Variants in ATP2B1 observed in about 807,000 individuals in gnomAD.
The protein encoded by ATP2B1 is ATPase plasma membrane Ca2+ transporting 1.
Under a neutral mutation model 124.2 loss-of-function variants are expected in ATP2B1, and 14 were observed. The ratio of observed to expected loss-of-function variants is 0.11; its 90% confidence interval spans 0.07 to 0.18. The LOEUF (loss-of-function observed/expected upper bound fraction) is 0.18, where lower values mean the gene tolerates loss of function less well. Ranked by LOEUF, ATP2B1 falls within the 10% of genes least tolerant of loss-of-function variation. The pLI is 1.00. For missense variants in ATP2B1, 763 were observed against 1,466.1 expected, an observed-to-expected ratio of 0.52 and a Z score of 7.83; for synonymous variants, 449 against 492.4, an observed-to-expected ratio of 0.91 and a Z score of 1.17.
intron 1 of ATP2B1, among the ~76,000 whole-genome samples, chr12:89,667,620 G>A (rs906256611): frequency 6.6e-6 from 1 of 152,126 alleles, no homozygotes; most frequent in Non-Finnish European, 1.5e-5. Flanking sequence ...AAAGGTATCT[G>A]AGTAAACTCT....
Position 89,617,059 on chromosome 12 carries a change from C to T in ATP2B1, c.1830-20G>A. 2 of 1,570,690 alleles carry T rather than the reference C, an allele frequency of 1.3e-6. No individual in the cohort carries two copies. Among genetic ancestry groups the T allele is most frequent in the Middle Eastern group, 1.7e-4 (1 of 5,970 alleles). ...AAACACCTAAAAGGAAATGTTGAAT[C>T]CAAACATCAATAATTTAAAAAAATA... On this transcript the variant is annotated intron_variant, in intron 11 of 20. Transcript: ENST00000428670.
intron 15 of ATP2B1, among the ~76,000 whole-genome samples, chr12:89,604,656 GCAAA>G (rs920847730): frequency 6.6e-6 from 1 of 152,168 alleles, no homozygotes; most frequent in African/African-American, 2.4e-5. Context: ...TTAATAAAAA[GCAAA>G]CAAACTCTAT....
intron 1 of ATP2B1, among the ~76,000 whole-genome samples, chr12:89,667,180 C>G (rs1887407534): frequency 6.6e-6 from 1 of 152,104 alleles, no homozygotes; most frequent in Admixed American, 6.5e-5. Flanking sequence ...TAAGATGGCT[C>G]TCTATGAAGA....
intron 18 of ATP2B1, 39 bp from the exon 19 acceptor site, chr12:89,601,472 A>T: frequency 7.6e-7 from 1 of 1,317,066 alleles, no homozygotes; most frequent in Non-Finnish European, 1.0e-6. Flanking sequence ...TTAAATCTTA[A>T]ATTTTAAAAT....
At chr12:89,657,190 C>T (rs764250280) in intron 1 of ATP2B1, among the ~76,000 whole-genome samples, 6 of 152,140 alleles carry the variant, frequency 3.9e-5, no homozygotes, top group South Asian at 2.1e-4. Context: ...CCATCCTTTC[C>T]GGCTTCAGTC....
intron 2 of ATP2B1, among the ~76,000 whole-genome samples, chr12:89,645,576 T>G (rs1356718806): frequency 6.6e-6 from 1 of 152,202 alleles, no homozygotes; most frequent in Non-Finnish European, 1.5e-5. Flanking sequence ...GGCTTCTGTC[T>G]GAACTTCCAG....
At chr12:89,594,452 G>A (rs1874184262) in intron 20 of ATP2B1, 1 of 151,820 alleles carries the variant, frequency 6.6e-6, no homozygotes, top group Admixed American at 6.6e-5. Context: ...ATTTTATCCA[G>A]TTTTAAAATT....
At chr12:89,633,356 G>A (rs546247710) in intron 5 of ATP2B1, among the ~76,000 whole-genome samples, 1 of 151,762 alleles carries the variant, frequency 6.6e-6, no homozygotes, top group African/African-American at 2.4e-5. Flanking sequence ...CAATGTGTAG[G>A]TTTGTTACAT....
intron 5 of ATP2B1, 30 bp downstream of exon 5, chr12:89,634,748 A>G: frequency 1.3e-6 from 2 of 1,544,570 alleles, no homozygotes; most frequent in South Asian, 2.5e-5. Flanking sequence ...GAAAGAGGAA[A>G]GTGTTCAAAG....
At chr12:89,612,414 C>G (rs1157697654) in intron 12 of ATP2B1, among the ~76,000 whole-genome samples, 1 of 151,914 alleles carries the variant, frequency 6.6e-6, no homozygotes, top group Non-Finnish European at 1.5e-5. Flanking sequence ...AGGTAACATA[C>G]ATGAAGAAAA....
At chr12:89,669,450 T>C (rs1323652090) in intron 1 of ATP2B1, among the ~76,000 whole-genome samples, 1 of 152,190 alleles carries the variant, frequency 6.6e-6, no homozygotes, top group Non-Finnish European at 1.5e-5. Context: ...ATAACTAGGA[T>C]GATGACAGGT....
chr12:89,670,514 G>A (rs913847268), intron 1 of ATP2B1, among the ~76,000 whole-genome samples: 1 of 151,864 alleles, frequency 6.6e-6, no homozygotes, highest in Non-Finnish European at 1.5e-5. Flanking sequence ...CTGAGGTTTG[G>A]AGTATGAAAG....
rs547787876 is a variant in ATP2B1 at position 89,685,483 on chromosome 12, G to C, written c.-222+23113C>G. On this transcript the variant is annotated intron_variant, in intron 1 of 20. Coordinates refer to ENST00000428670, the MANE Select transcript of ATP2B1 (RefSeq NM_001366521.1). The stretch of plus-strand genomic sequence containing the variant: ...AATCCAAACAGTAAATATGAAATCA[G>C]TGACTCTCAAAGTATGGTCCCCAGA... 2.9e-4 allele frequency among the ~76,000 whole-genome samples: 44 copies of C among 152,096 alleles called. 2 individuals are homozygous for C. In the South Asian group the frequency reaches 8.5e-3, roughly 29 times the overall value.
chr12:89,599,715 A>G (rs1055676714), intron 19 of ATP2B1, among the ~76,000 whole-genome samples: 3 of 152,102 alleles, frequency 2.0e-5, no homozygotes, highest in African/African-American at 7.3e-5. Flanking sequence ...ATGAGAAAAA[A>G]TGTATAAAAT....
chr12:89,626,740 T>A, intron 7 of ATP2B1, 125 bp from the exon 8 acceptor site: 1 of 1,082,276 alleles, frequency 9.2e-7, no homozygotes, highest in East Asian at 2.7e-5. Context: ...TTCAGCTTTG[T>A]GAGTGTGTGT....
At chr12:89,598,449 T>G (rs931265969) in intron 20 of ATP2B1, 14 of 933,352 alleles carry the variant, frequency 1.5e-5, no homozygotes, top group African/African-American at 3.4e-5. Context: ...GACAACACTT[T>G]GAGGTCTCAA....
intron 1 of ATP2B1, among the ~76,000 whole-genome samples, chr12:89,667,867 C>T (rs1036555102): frequency 1.3e-5 from 2 of 152,150 alleles, no homozygotes; most frequent in African/African-American, 4.8e-5. Context: ...CACCATTTTT[C>T]ACAGAATTAG....
intron 15 of ATP2B1, among the ~76,000 whole-genome samples, chr12:89,609,235 C>G (rs983075488): frequency 3.3e-5 from 5 of 152,108 alleles, no homozygotes; most frequent in African/African-American, 7.2e-5. Flanking sequence ...CCATAAAAAT[C>G]ACATTAAAAT....
At chr12:89,636,394 T>C (rs1336574851) in intron 3 of ATP2B1, among the ~76,000 whole-genome samples, 1 of 152,104 alleles carries the variant, frequency 6.6e-6, no homozygotes, top group Non-Finnish European at 1.5e-5. Context: ...AAAGGATATG[T>C]ATGTAGTAAG....
Sources: gnomAD v4.1 joint callset for allele counts (sites outside exome capture counted in the v4.1 genomes callset) on GRCh38, gnomAD v4.1.1 for gene constraint, MANE v1.5 for transcripts, NCBI Gene and HGNC (gene_info 2026-07-23, HGNC 2026-07-21) for gene names.